RPS6KC1: variants seen among roughly 807,000 people sequenced by gnomAD.
RPS6KC1 encodes the protein ribosomal protein S6 kinase C1, also known as inactive ribosomal protein S6 kinase delta-1.
A neutral mutation model predicts 103.8 loss-of-function variants in RPS6KC1; 54 were observed. The ratio of observed to expected loss-of-function variants is 0.52; its 90% CI spans 0.42 to 0.65. The LOEUF (loss-of-function observed/expected upper bound fraction) is 0.65. RPS6KC1 is among the 30% of genes least tolerant of loss of function. The probability of loss-of-function intolerance (pLI) is 0.00; values close to 1 mark genes in which losing one functional copy is unlikely to be tolerated. For missense variants in RPS6KC1, 1,151 were observed against 1,253.8 expected (o/e 0.92, Z 1.24); for synonymous variants, 439 against 438.7 (o/e 1.00, Z -0.01).
chr1:213,372,263 G>A, the RPS6KC1 span, among the ~76,000 whole-genome samples: 1 of 152,196 alleles, frequency 6.6e-6, no homozygotes, highest in Non-Finnish European at 1.5e-5. Context: ...CTTCTAACAG[G>A]GCACCTGAAA....
the RPS6KC1 span, among the ~76,000 whole-genome samples, chr1:213,733,818 A>G: frequency 6.6e-6 from 1 of 152,160 alleles, no homozygotes; most frequent in African/African-American, 2.4e-5. Flanking sequence ...TCTATGAGAG[A>G]GTGCTCGCTC....
rs116105428 is a variant in RPS6KC1 at position 213,214,257 on chromosome 1, G to T, written c.1045-16240G>T. Among the ~76,000 whole-genome samples, 1,069 of 152,370 alleles carry T rather than the reference G, an allele frequency of 7.0e-3. 14 individuals are homozygous for T. Among genetic ancestry groups the T allele is most frequent in the African/African-American group, 0.024 (1,013 of 41,602 alleles). On this transcript the variant is annotated intron_variant, in intron 8 of 14. Transcript: ENST00000366960. ...CCGCGCCTGGCTTGAAGGGTCCTAC[G>T]TACACGGAGCTTCGCTCATTGCTAG...
chr1:213,761,987 A>T, the RPS6KC1 span, among the ~76,000 whole-genome samples: 10 of 152,024 alleles, frequency 6.6e-5, no homozygotes, highest in African/African-American at 2.2e-4. Flanking sequence ...AGTCATGAGG[A>T]TGAAAAAGAA....
chr1:213,281,471 CA>C, the RPS6KC1 span, among the ~76,000 whole-genome samples: 1 of 152,234 alleles, frequency 6.6e-6, no homozygotes, highest in Non-Finnish European at 1.5e-5. Context: ...TCCTTACCAG[CA>C]GAAGTCACAG....
the RPS6KC1 span, among the ~76,000 whole-genome samples, chr1:213,834,168 T>C: frequency 6.6e-6 from 1 of 152,124 alleles, no homozygotes; most frequent in Non-Finnish European, 1.5e-5. Flanking sequence ...GCCTCCCAAG[T>C]AGCTGGGACT....
At chr1:213,750,139 G>A in the RPS6KC1 span, among the ~76,000 whole-genome samples, 2 of 152,170 alleles carry the variant, frequency 1.3e-5, no homozygotes, top group Non-Finnish European at 1.5e-5. Context: ...TTTGTTCGGG[G>A]GTTAGGGACA....
At chr1:213,503,798 GCCAGTA>G in the RPS6KC1 span, among the ~76,000 whole-genome samples, 1 of 152,166 alleles carries the variant, frequency 6.6e-6, no homozygotes, top group Non-Finnish European at 1.5e-5. Flanking sequence ...CTTGTATGGT[GCCAGTA>G]CAAGTGTGAG....
At chr1:213,804,538 G>A in the RPS6KC1 span, among the ~76,000 whole-genome samples, 229 of 152,194 alleles carry the variant, frequency 1.5e-3, no homozygotes, top group African/African-American at 5.3e-3. Flanking sequence ...TTCTCAGTGC[G>A]GCCTCTCTGC....
the RPS6KC1 span, among the ~76,000 whole-genome samples, chr1:213,751,958 T>C: frequency 6.6e-6 from 1 of 152,228 alleles, no homozygotes; most frequent in Middle Eastern, 3.2e-3. Context: ...TTACCAGCTA[T>C]GAGAGATAGG....
At chr1:213,617,872 A>G in the RPS6KC1 span, among the ~76,000 whole-genome samples, 12 of 152,254 alleles carry the variant, frequency 7.9e-5, no homozygotes, top group Admixed American at 3.3e-4. Context: ...CTATGTCTCC[A>G]TCGAGGAGAT....
the RPS6KC1 span, among the ~76,000 whole-genome samples, chr1:213,773,869 G>C: frequency 6.6e-6 from 1 of 152,324 alleles, no homozygotes; most frequent in African/African-American, 2.4e-5. Context: ...AACAGTTACT[G>C]TGTTTTGATT....
At chr1:213,401,080 G>C in the RPS6KC1 span, among the ~76,000 whole-genome samples, 1 of 152,138 alleles carries the variant, frequency 6.6e-6, no homozygotes. Flanking sequence ...AGTGGGCTGA[G>C]GGTTGGGTCC....
the RPS6KC1 span, among the ~76,000 whole-genome samples, chr1:213,797,371 C>G: frequency 1.3e-5 from 2 of 152,148 alleles, no homozygotes; most frequent in Non-Finnish European, 2.9e-5. Context: ...TTCATCACAG[C>G]TAATTTATAC....
chr1:213,292,117 G>T, the RPS6KC1 span, among the ~76,000 whole-genome samples: 2 of 152,176 alleles, frequency 1.3e-5, no homozygotes, highest in South Asian at 2.1e-4. Context: ...GGGGTAGGGG[G>T]TAGGTATAGC....
chr1:213,631,090 T>G, the RPS6KC1 span, among the ~76,000 whole-genome samples: 1 of 152,092 alleles, frequency 6.6e-6, no homozygotes, highest in Non-Finnish European at 1.5e-5. Flanking sequence ...AGTGACCCGA[T>G]TTTCCAGGTG....
At chr1:213,793,719 C>T in the RPS6KC1 span, among the ~76,000 whole-genome samples, 1,068 of 152,284 alleles carry the variant, frequency 7.0e-3, 11 homozygotes, top group African/African-American at 0.024. Flanking sequence ...CTCTGAACGC[C>T]TCGCCAGTAA....
chr1:213,262,519 C>T (rs1477671835), intron 13 of RPS6KC1, among the ~76,000 whole-genome samples: 2 of 152,148 alleles, frequency 1.3e-5, no homozygotes, highest in Non-Finnish European at 2.9e-5. Context: ...ATGATGTGAT[C>T]ATGGTGATTG....
intron 4 of RPS6KC1, 63 bp from the exon 5 acceptor site, chr1:213,117,250 CTATT>C: frequency 1.2e-6 from 1 of 818,060 alleles, no homozygotes; most frequent in Non-Finnish European, 2.0e-6. Flanking sequence ...ATTGGGATAA[CTATT>C]TTTTATTTAG....
chr1:213,812,985 G>A, the RPS6KC1 span, among the ~76,000 whole-genome samples: 3 of 152,100 alleles, frequency 2.0e-5, no homozygotes, highest in Non-Finnish European at 4.4e-5. Flanking sequence ...GGGCACGGTG[G>A]CTCAAACCTG....
Sources: allele counts gnomAD v4.1 joint callset (sites outside exome capture counted in the v4.1 genomes callset), GRCh38; gene constraint gnomAD v4.1.1; transcripts MANE v1.5; gene names NCBI Gene and HGNC (gene_info 2026-07-23, HGNC 2026-07-21).